Variants in SP100 observed in about 807,000 individuals in gnomAD.
SP100 encodes nuclear autoantigen Sp-100.
Under a neutral mutation model 130.0 loss-of-function variants are expected in SP100, and 84 were observed. That is an observed-to-expected ratio of 0.65 (90% confidence interval 0.54 to 0.77). SP100 has a LOEUF of 0.77. Ranked by LOEUF, SP100 falls within the 30% of genes least tolerant of loss-of-function variation. The pLI, the probability that SP100 is intolerant of heterozygous loss-of-function variation, is 0.00. For missense variants in SP100, 978 were observed against 1,052.2 expected (o/e 0.93, Z 0.97); for synonymous variants, 331 against 351.7 (o/e 0.94, Z 0.66).
At chr2:230,486,392 T>C (rs77387233) in intron 17 of SP100, among the ~76,000 whole-genome samples, 59 of 152,364 alleles carry the variant, frequency 3.9e-4, no homozygotes, top group African/African-American at 1.3e-3. Context: ...GTTCTCATTG[T>C]TCAACTCCCA....
chr2:230,423,412 A>C (rs1001140727), intron 2 of SP100, among the ~76,000 whole-genome samples: 1 of 150,820 alleles, frequency 6.6e-6, no homozygotes, highest in Admixed American at 6.6e-5. Context: ...CAATCTTTCC[A>C]TTTTGTTGGT....
chr2:230,500,557 C>G (rs778305383), intron 19 of SP100, among the ~76,000 whole-genome samples: 2 of 152,172 alleles, frequency 1.3e-5, no homozygotes. Context: ...GCTGAACATA[C>G]CCAGGTTATG....
chr2:230,515,376 T>C, intron 24 of SP100: 6 of 1,613,940 alleles, frequency 3.7e-6, no homozygotes, highest in Non-Finnish European at 5.1e-6. Flanking sequence ...GAGAACATCC[T>C]GGCCTGTCCA....
At chr2:230,467,030 T>G in intron 12 of SP100, 90 bp from the exon 13 acceptor site, 1 of 871,526 alleles carries the variant, frequency 1.1e-6, no homozygotes. Flanking sequence ...ATCACAAATT[T>G]TCCTAGTTTC....
rs755877804 is a variant in SP100 at position 230,449,288 on chromosome 2, T to A, written c.586+138T>A. The A allele has an allele frequency of 1.4e-5, 13 of 933,786 alleles. No homozygotes were observed. In the East Asian group the frequency reaches 2.7e-4, roughly 20 times the overall value. The allele number at this position is 933,786 out of a possible 1,614,324, so 57.8% of individuals were successfully genotyped here. ...TCTACAGTTTTTCCATTTCTGGGAT[T>A]TAAATAACAAGTCCTTATCCTCTAG... On this transcript the variant is annotated intron_variant, in intron 6 of 28. Transcript: ENST00000340126.
intron 23 of SP100, 125 bp downstream of exon 23, chr2:230,508,156 TG>T: frequency 1.4e-6 from 2 of 1,472,240 alleles, no homozygotes; most frequent in South Asian, 2.7e-5. Context: ...ATGATGCTTT[TG>T]CAGTTGCTGC....
At position 230,483,909 on chromosome 2, in the gene SP100, T is replaced by C. The variant is rs556588100; in HGVS notation, c.1600+9462T>C. Among the ~76,000 whole-genome samples, 3 of 152,352 alleles carry C rather than the reference T, an allele frequency of 2.0e-5. No homozygotes were observed. The East Asian group carries it at 5.8e-4, about 29-fold the overall frequency. ...TCCTCAACTGATAAATACATAACCTTGTTTTATATGTGTTTCTGTATAAAG... is the reference window on the plus strand; with the variant it reads ...TCCTCAACTGATAAATACATAACCTCGTTTTATATGTGTTTCTGTATAAAG... On this transcript the variant is annotated intron_variant, in intron 17 of 28. Transcript: ENST00000340126.
chr2:230,448,073 A>G (rs1346170525), intron 5 of SP100, among the ~76,000 whole-genome samples: 2 of 152,242 alleles, frequency 1.3e-5, no homozygotes, highest in African/African-American at 2.4e-5. Context: ...GGCCAGGAGC[A>G]GGGAATTAAG....
At chr2:230,455,973 A>G (rs2064256303) in intron 8 of SP100, among the ~76,000 whole-genome samples, 1 of 152,214 alleles carries the variant, frequency 6.6e-6, no homozygotes, top group South Asian at 2.1e-4. Context: ...AAATTATTGT[A>G]GCTACTATTT....
intron 8 of SP100, among the ~76,000 whole-genome samples, chr2:230,457,342 CG>C (rs1476059779): frequency 1.1e-4 from 16 of 152,332 alleles, no homozygotes; most frequent in African/African-American, 3.6e-4. Flanking sequence ...GTTTGGCACT[CG>C]GTCTGGTCTG....
chr2:230,468,958 A>C, intron 13 of SP100, 85 bp from the exon 14 acceptor site: 1 of 807,362 alleles, frequency 1.2e-6, no homozygotes, highest in Non-Finnish European at 2.0e-6. Flanking sequence ...TTTATAGTCC[A>C]AATTCTGTCA....
intron 17 of SP100, among the ~76,000 whole-genome samples, chr2:230,488,043 G>A (rs1435223796): frequency 1.3e-5 from 2 of 152,140 alleles, no homozygotes; most frequent in African/African-American, 4.8e-5. Context: ...TTTGTATCCT[G>A]AGATTTTTCT....
intron 24 of SP100, among the ~76,000 whole-genome samples, chr2:230,528,451 A>G (rs1215881024): frequency 6.6e-6 from 1 of 152,236 alleles, no homozygotes; most frequent in Non-Finnish European, 1.5e-5. Flanking sequence ...AATTTATAGC[A>G]CTAAATGCCC....
intron 8 of SP100, among the ~76,000 whole-genome samples, chr2:230,454,338 GT>G (rs1296246589): frequency 1.3e-5 from 2 of 151,710 alleles, no homozygotes; most frequent in Non-Finnish European, 2.9e-5. Context: ...TTTTGCCTTA[GT>G]TTTTCTTCTT....
At chr2:230,507,043 G>A (rs7601665) in intron 22 of SP100, 61,815 of 151,762 alleles carry the variant, frequency 0.41, 13,915 homozygotes, top group South Asian at 0.56. Context: ...AGTGCTTTCT[G>A]TTGCACGCCC....
At chr2:230,515,819 C>T in intron 24 of SP100, 1 of 1,415,514 alleles carries the variant, frequency 7.1e-7, no homozygotes, top group Non-Finnish European at 9.2e-7. Flanking sequence ...TAGCCCTGTC[C>T]TGGTGGTATT....
intron 24 of SP100, among the ~76,000 whole-genome samples, chr2:230,519,590 G>T (rs1376531834): frequency 6.6e-6 from 1 of 152,168 alleles, no homozygotes; most frequent in Non-Finnish European, 1.5e-5. Context: ...GAATATGAAG[G>T]CATAGGGGTA....
intron 24 of SP100, chr2:230,538,502 G>T (rs1257183798): frequency 6.6e-6 from 1 of 152,148 alleles, no homozygotes; most frequent in South Asian, 2.1e-4. Context: ...CTCCTAATAG[G>T]CCACTCAAAT....
At chr2:230,425,766 T>C (rs2149866091) in intron 2 of SP100, among the ~76,000 whole-genome samples, 1 of 152,184 alleles carries the variant, frequency 6.6e-6, no homozygotes, top group East Asian at 1.9e-4. Flanking sequence ...AAGGTAATGC[T>C]CATAAAATTA....
Sources: gnomAD v4.1 joint callset for allele counts (sites outside exome capture counted in the v4.1 genomes callset) on GRCh38, gnomAD v4.1.1 for gene constraint, MANE v1.5 for transcripts, NCBI Gene and HGNC (gene_info 2026-07-23, HGNC 2026-07-21) for gene names.